AGBL1: variants seen among roughly 807,000 people sequenced by gnomAD.
AGBL1 encodes AGBL carboxypeptidase 1.
A neutral mutation model predicts 118.9 loss-of-function variants in AGBL1; 130 were observed. The observed-to-expected ratio is 1.09, with a 90% CI of 0.95 to 1.26. AGBL1 has a LOEUF of 1.26. Ranked by LOEUF, AGBL1 falls within the 50% of genes most tolerant of loss-of-function variation. AGBL1 has a pLI of 0.00. For missense variants in AGBL1, 1,584 were observed against 1,298.1 expected (o/e 1.22, Z -3.38); for synonymous variants, 555 against 478.9 (o/e 1.16, Z -2.08).
rs561796296 is a variant in AGBL1, at chr15:86,692,135, A to G, written c.3158+17699A>G. Among the ~76,000 whole-genome samples, 18 of 151,956 alleles carry G rather than the reference A, an allele frequency of 1.2e-4. No homozygotes were observed. The South Asian group carries it at 3.7e-3, about 32-fold the overall frequency. Reference sequence around the variant, plus strand: ...GGAGCTTGCAGTGAGCTGACATTGCACCACTGCACTCCAGCCTGGGTGACA... The same window carrying G: ...GGAGCTTGCAGTGAGCTGACATTGCGCCACTGCACTCCAGCCTGGGTGACA... On this transcript the variant is annotated intron_variant, in intron 22 of 22. Transcript: ENST00000614907.
chr15:86,249,383 A>G (rs1337264058), intron 7 of AGBL1, among the ~76,000 whole-genome samples: 4 of 152,156 alleles, frequency 2.6e-5, no homozygotes, highest in Non-Finnish European at 5.9e-5. Flanking sequence ...GACATTTCTC[A>G]TTAAAAAATG....
intron 15 of AGBL1, among the ~76,000 whole-genome samples, chr15:86,277,077 A>T (rs2079264849): frequency 6.6e-6 from 1 of 151,636 alleles, no homozygotes; most frequent in South Asian, 2.1e-4. Flanking sequence ...CAGAGTTTAG[A>T]CCCCAGACAA....
chr15:86,989,717 A>G (rs1293348169), intron 24 of AGBL1, among the ~76,000 whole-genome samples: 1 of 152,232 alleles, frequency 6.6e-6, no homozygotes, highest in Non-Finnish European at 1.5e-5. Flanking sequence ...TTGAATAAAA[A>G]TGGAACAAGA....
intron 16 of AGBL1, among the ~76,000 whole-genome samples, chr15:86,290,259 T>A (rs1039388933): frequency 6.6e-6 from 1 of 152,060 alleles, no homozygotes; most frequent in Non-Finnish European, 1.5e-5. Flanking sequence ...CTTGTTTAAC[T>A]GGGTTTTATT....
At chr15:86,479,459 A>G (rs887911450) in intron 18 of AGBL1, among the ~76,000 whole-genome samples, 21 of 152,272 alleles carry the variant, frequency 1.4e-4, no homozygotes, top group African/African-American at 4.3e-4. Context: ...CATTTATGCC[A>G]CCAACAGACA....
chr15:86,977,553 T>C lies in AGBL1; in HGVS notation c.3222-10434T>C, dbSNP rs11855757. 8.5e-3 allele frequency among the ~76,000 whole-genome samples: 1,288 copies of C among 152,094 alleles called. 19 individuals carry two copies. Among genetic ancestry groups the C allele is most frequent in the Middle Eastern group, 0.031 (9 of 290 alleles). ...AGCTGTTTATTTTCCTTAACTGCAA[T>C]ATAATATTTGTCAAGTTTATTCCTA... On this transcript the variant is annotated intron_variant, in intron 23 of 24. Coordinates refer to the AGBL1 transcript ENST00000441037.
intron 22 of AGBL1, among the ~76,000 whole-genome samples, chr15:86,761,583 T>C (rs1180777773): frequency 6.6e-6 from 1 of 152,090 alleles, no homozygotes; most frequent in Non-Finnish European, 1.5e-5. Flanking sequence ...CTGATCTGAC[T>C]CTGGTCTCCC....
At chr15:86,390,656 T>C (rs2081263211) in intron 17 of AGBL1, among the ~76,000 whole-genome samples, 1 of 139,330 alleles carries the variant, frequency 7.2e-6, no homozygotes. Flanking sequence ...TTATATACTG[T>C]ATGATTTTTT....
chr15:87,027,534 G>T (rs971947246), intron 24 of AGBL1, among the ~76,000 whole-genome samples: 5 of 150,790 alleles, frequency 3.3e-5, no homozygotes, highest in Non-Finnish European at 7.4e-5. Context: ...GTATTATATA[G>T]ATGTATATTT....
At chr15:86,667,298 C>T (rs1366900192) in intron 21 of AGBL1, among the ~76,000 whole-genome samples, 1 of 150,708 alleles carries the variant, frequency 6.6e-6, no homozygotes, top group African/African-American at 2.4e-5. Flanking sequence ...GGCTTGCTGC[C>T]CTGTTTATAT....
intron 22 of AGBL1, among the ~76,000 whole-genome samples, chr15:86,696,614 A>C (rs1290295125): frequency 1.3e-5 from 2 of 151,742 alleles, no homozygotes. Flanking sequence ...GATGTGAGGT[A>C]CTATTCCGTT....
At chr15:86,476,940 C>A (rs1438925719) in intron 18 of AGBL1, among the ~76,000 whole-genome samples, 1 of 152,222 alleles carries the variant, frequency 6.6e-6, no homozygotes, top group Non-Finnish European at 1.5e-5. Context: ...CTCAAAACTG[C>A]TCCACTACAT....
intron 5 of AGBL1, 65 bp from the exon 6 acceptor site, chr15:86,224,849 G>T: frequency 6.5e-7 from 1 of 1,535,332 alleles, no homozygotes; most frequent in Non-Finnish European, 9.0e-7. Flanking sequence ...TGCTGGCTGT[G>T]GGATCCATGT....
At chr15:86,140,357 T>A (rs1474246722) in intron 1 of AGBL1, 1 of 152,002 alleles carries the variant, frequency 6.6e-6, no homozygotes, top group Non-Finnish European at 1.5e-5. Context: ...GGCTTAAGGC[T>A]GGGACTGAAG....
At chr15:86,231,061 TCTTGGCACAAATAACACTGTTCATAGAAC>T (rs1222558957) in intron 6 of AGBL1, among the ~76,000 whole-genome samples, 1 of 152,220 alleles carries the variant, frequency 6.6e-6, no homozygotes, top group Non-Finnish European at 1.5e-5. Flanking sequence ...CTTCTTTGGG[TCTTGGCACAAATAACACTGTTCATAGAAC>T]CTTATGTTTA....
At chr15:86,334,238 C>G (rs115888531) in intron 17 of AGBL1, among the ~76,000 whole-genome samples, 1,675 of 152,196 alleles carry the variant, frequency 0.011, 32 homozygotes, top group African/African-American at 0.033. Flanking sequence ...CAAACTATCT[C>G]TCTTCACTTT....
chr15:86,594,802 A>T (rs1451677181), intron 21 of AGBL1, among the ~76,000 whole-genome samples: 1 of 152,182 alleles, frequency 6.6e-6, no homozygotes, highest in Non-Finnish European at 1.5e-5. Flanking sequence ...TTTTATACAC[A>T]CATGACTATT....
intron 5 of AGBL1, among the ~76,000 whole-genome samples, chr15:86,176,339 G>T (rs545220967): frequency 6.6e-6 from 1 of 152,198 alleles, no homozygotes; most frequent in Admixed American, 6.5e-5. Context: ...CCCCAGGAAG[G>T]CTCCCAGACA....
In AGBL1 at chr15:86,276,373, G is replaced by C. The variant is rs1235246990; in HGVS notation, c.2076-3266G>C. 4.6e-5 allele frequency among the ~76,000 whole-genome samples: 7 copies of C among 152,310 alleles called. No homozygotes were observed. The East Asian group carries it at 1.3e-3, about 29-fold the overall frequency. On this transcript the variant is annotated intron_variant, in intron 15 of 22. Coordinates refer to ENST00000614907, the MANE Select transcript of AGBL1 (RefSeq NM_001386094.1). ...TTTACTATACTTGTTGTGTGGAATTGCTCTAGACACTTAACCTCTGTGAGC... is the reference window on the plus strand; with the variant it reads ...TTTACTATACTTGTTGTGTGGAATTCCTCTAGACACTTAACCTCTGTGAGC...
Sources: gnomAD v4.1 joint callset for allele counts (sites outside exome capture counted in the v4.1 genomes callset) on GRCh38, gnomAD v4.1.1 for gene constraint, MANE v1.5 for transcripts, NCBI Gene and HGNC (gene_info 2026-07-23, HGNC 2026-07-21) for gene names.